NEDD4: variants seen among roughly 807,000 people sequenced by gnomAD.
The protein encoded by NEDD4 is NEDD4 E3 ubiquitin protein ligase, also known as E3 ubiquitin-protein ligase NEDD4.
NEDD4 carries 99 observed loss-of-function variants against 144.9 expected under a neutral mutation model. The ratio of observed to expected loss-of-function variants is 0.68; its 90% confidence interval spans 0.58 to 0.81. The LOEUF is 0.81. Among genes scored for constraint, NEDD4 ranks in the 30% least tolerant of loss-of-function variants. NEDD4 has a pLI of 0.00. For missense variants in NEDD4, 985 were observed against 1,065.9 expected (o/e 0.92, Z 1.06); for synonymous variants, 318 against 350.6 (o/e 0.91, Z 1.04).
intron 2 of NEDD4, among the ~76,000 whole-genome samples, chr15:55,957,967 C>T (rs572460800): frequency 3.9e-5 from 6 of 152,080 alleles, no homozygotes; most frequent in African/African-American, 1.2e-4. Context: ...CAGGGCCTGT[C>T]GTGGAGTGGG....
In NEDD4 at chr15:55,852,061, C is replaced by T. The variant is rs145488813; in HGVS notation, c.1146+363G>A. ...CTATAATCCCAGCACTTTAGGAGGC[C>T]GAGGTGGGTGGATCACCTGAGGTCA... is the stretch of plus-strand genomic sequence containing the variant. On this transcript the variant is annotated intron_variant, in intron 13 of 28. Coordinates refer to ENST00000435532, the MANE Select transcript of NEDD4 (RefSeq NM_006154.4). Among the ~76,000 whole-genome samples, 748 of 151,784 alleles carry T rather than the reference C, an allele frequency of 4.9e-3. 8 individuals are homozygous for T. The highest frequency in any genetic ancestry group is 0.017 in the African/African-American group (713 of 41,404).
intron 18 of NEDD4, among the ~76,000 whole-genome samples, chr15:55,845,031 G>T (rs1364991696): frequency 2.6e-5 from 4 of 151,994 alleles, no homozygotes; most frequent in African/African-American, 9.7e-5. Context: ...TAAGTGTTCT[G>T]CTCTTTTGCT....
At chr15:55,923,757 C>A (rs931986747) in intron 5 of NEDD4, among the ~76,000 whole-genome samples, 23 of 151,260 alleles carry the variant, frequency 1.5e-4, no homozygotes, top group Non-Finnish European at 3.2e-4. Flanking sequence ...TTGGCAATAT[C>A]TTTAGTTGCC....
Position 55,827,090 on chromosome 15 carries a change from T to A in NEDD4, c.*2807A>T, listed in dbSNP as rs1382825443. 1.3e-5 allele frequency: 2 copies of A among 152,220 alleles called. No homozygotes were observed. The highest frequency in any genetic ancestry group is 2.4e-5 in the African/African-American group (1 of 41,442). The allele number at this position is 152,220 out of a possible 1,614,324, so 9.4% of individuals were successfully genotyped here. On this transcript the variant is annotated 3_prime_UTR_variant, in exon 29 of 29. Coordinates refer to ENST00000435532, the MANE Select transcript of NEDD4 (RefSeq NM_006154.4). ...AATAGTTTATAATCAAAATGAATTG[T>A]GTTTAACTTGATACTTATATGGAAT...
At chr15:55,917,481 T>G (rs1162695096) in intron 5 of NEDD4, among the ~76,000 whole-genome samples, 1 of 151,964 alleles carries the variant, frequency 6.6e-6, no homozygotes, top group Non-Finnish European at 1.5e-5. Context: ...TTTTTTAATG[T>G]GTGAATTCAA....
At chr15:55,883,696 AACAC>A (rs3049242) in intron 5 of NEDD4, among the ~76,000 whole-genome samples, 21,106 of 111,928 alleles carry the variant, frequency 0.19, 1,641 homozygotes, top group East Asian at 0.45. Context: ...CACACACACA[AACAC>A]ACACACACAC....
chr15:55,942,296 C>T (rs1485780278), intron 4 of NEDD4, among the ~76,000 whole-genome samples: 1 of 152,124 alleles, frequency 6.6e-6, no homozygotes. Context: ...AATGTTAATA[C>T]AACCATTAAC....
chr15:55,948,465 T>A (rs1294285287), intron 4 of NEDD4, among the ~76,000 whole-genome samples: 13 of 152,196 alleles, frequency 8.5e-5, no homozygotes, highest in Admixed American at 8.5e-4. Flanking sequence ...TTAAAGTTCA[T>A]ATGGAGCCAA....
chr15:55,828,283 C>T lies in NEDD4; in HGVS notation c.*1614G>A, dbSNP rs1178391962. ...CCAGAGGTACTTTTTACAGTTCTCA[C>T]AGGGTGTGTATATATATATATTTAA... On this transcript the variant is annotated 3_prime_UTR_variant, in exon 29 of 29. Coordinates refer to ENST00000435532, the MANE Select transcript of NEDD4 (RefSeq NM_006154.4). The T allele has an allele frequency of 6.6e-5, 10 of 152,236 alleles. No individual in the cohort carries two copies. The highest frequency in any genetic ancestry group is 2.2e-4 in the African/African-American group (9 of 41,540). 9.4% of individuals were successfully genotyped at this position (152,236 alleles called of 1,614,324 possible).
At chr15:55,858,570 G>T (rs574400205) in intron 11 of NEDD4, among the ~76,000 whole-genome samples, 1 of 152,116 alleles carries the variant, frequency 6.6e-6, no homozygotes, top group Non-Finnish European at 1.5e-5. Context: ...GCCTCCCAAA[G>T]TGCTGGGATT....
chr15:55,953,024 CTGT>C (rs2037272480), intron 2 of NEDD4, among the ~76,000 whole-genome samples: 2 of 149,342 alleles, frequency 1.3e-5, no homozygotes, highest in Admixed American at 6.7e-5. Flanking sequence ...GAGTCTTGCT[CTGT>C]TGCCCAGGCT....
At chr15:55,847,153 A>G (rs2033784621) in intron 17 of NEDD4, 119 bp from the exon 18 acceptor site, 1 of 520,560 alleles carries the variant, frequency 1.9e-6, no homozygotes, top group East Asian at 3.4e-5. Flanking sequence ...TGGAAAGAAA[A>G]GTTTAATTAG....
At chr15:55,850,834 TA>T (rs1270378431) in intron 13 of NEDD4, 92 bp from the exon 14 acceptor site, 1 of 1,062,980 alleles carries the variant, frequency 9.4e-7, no homozygotes, top group Non-Finnish European at 1.3e-6. Context: ...GCAAATAGAA[TA>T]CACACCCTCC....
chr15:55,911,305 G>T (rs760615558), intron 5 of NEDD4, among the ~76,000 whole-genome samples: 15 of 152,010 alleles, frequency 9.9e-5, no homozygotes, highest in Non-Finnish European at 1.8e-4. Context: ...CTACAAAAGT[G>T]TCCAGCCCAA....
chr15:55,895,107 C>T (rs149688235), intron 5 of NEDD4, among the ~76,000 whole-genome samples: 236 of 152,282 alleles, frequency 1.5e-3, no homozygotes, highest in African/African-American at 5.3e-3. Context: ...AGGAAATACT[C>T]ACAGCTAGGT....
chr15:55,887,938 C>A (rs1483197801), intron 5 of NEDD4, among the ~76,000 whole-genome samples: 1 of 152,154 alleles, frequency 6.6e-6, no homozygotes, highest in Non-Finnish European at 1.5e-5. Flanking sequence ...ATTTCAACAT[C>A]ATTTCATGAT....
chr15:55,969,600 G>A (rs914035551), intron 1 of NEDD4, among the ~76,000 whole-genome samples: 1 of 152,082 alleles, frequency 6.6e-6, no homozygotes, highest in Admixed American at 6.6e-5. Flanking sequence ...GCAGCAACCA[G>A]AGTCCTGAAG....
At chr15:55,963,668 T>C (rs1046546388) in intron 2 of NEDD4, among the ~76,000 whole-genome samples, 1 of 152,220 alleles carries the variant, frequency 6.6e-6, no homozygotes, top group Admixed American at 6.5e-5. Context: ...TTTAAAAAGG[T>C]ATGATGAGAA....
At chr15:55,938,937 A>C (rs2036943294) in intron 4 of NEDD4, among the ~76,000 whole-genome samples, 1 of 152,002 alleles carries the variant, frequency 6.6e-6, no homozygotes, top group South Asian at 2.1e-4. Context: ...GTGTCACTAC[A>C]AAAAATAAAA....
Sources: gnomAD v4.1 joint callset for allele counts (sites outside exome capture counted in the v4.1 genomes callset) on GRCh38, gnomAD v4.1.1 for gene constraint, MANE v1.5 for transcripts, NCBI Gene and HGNC (gene_info 2026-07-23, HGNC 2026-07-21) for gene names.